NUP160: variants seen among roughly 807,000 people sequenced by gnomAD.
NUP160 encodes nucleoporin 160.
A neutral mutation model predicts 196.9 loss-of-function variants in NUP160; 94 were observed. The observed-to-expected ratio is 0.48, with a 90% confidence interval of 0.40 to 0.57. NUP160 has a LOEUF of 0.57. Among genes scored for constraint, NUP160 ranks in the 20% least tolerant of loss-of-function variants. The pLI is 0.00. For synonymous variants in NUP160, 605 were observed against 619.7 expected (o/e 0.98, Z 0.35); for missense variants, 1,638 against 1,748.3 (o/e 0.94, Z 1.13).
At chr11:47,824,008 C>CATATATATATATAT (rs58246222) in intron 7 of NUP160, among the ~76,000 whole-genome samples, 3 of 73,122 alleles carry the variant, frequency 4.1e-5, no homozygotes, top group South Asian at 4.8e-4. Context: ...AATTCTTTTG[C>CATATATATATATAT]ATATATATAT....
At chr11:47,815,424 A>T (rs766214454) in intron 13 of NUP160, 55 bp downstream of exon 13, 1 of 1,384,584 alleles carries the variant, frequency 7.2e-7, no homozygotes, top group Non-Finnish European at 9.5e-7. Context: ...GCATTTTGTT[A>T]TAACAGCCAC....
At chr11:47,779,103 A>G in exon 36 of NUP160, 1 of 1,611,276 alleles carries the variant, frequency 6.2e-7, no homozygotes, top group South Asian at 1.1e-5. Context: ...TGACAATCCA[A>G]ATCACAAGGT....
intron 6 of NUP160, 124 bp from the exon 7 acceptor site, chr11:47,835,933 T>TG: frequency 2.5e-6 from 2 of 787,230 alleles, no homozygotes; most frequent in Non-Finnish European, 3.8e-6. Flanking sequence ...CTAAAAGACC[T>TG]TACAGGTTTT....
At chr11:47,842,547 G>A (rs942299462) in intron 2 of NUP160, among the ~76,000 whole-genome samples, 1 of 152,054 alleles carries the variant, frequency 6.6e-6, no homozygotes, top group East Asian at 1.9e-4. Context: ...GGCATTCTAG[G>A]CCACTGTTCC....
At chr11:47,825,376 A>C (rs1055184494) in intron 7 of NUP160, among the ~76,000 whole-genome samples, 1 of 148,932 alleles carries the variant, frequency 6.7e-6, no homozygotes, top group African/African-American at 2.5e-5. Flanking sequence ...TCTGCCTCCC[A>C]GGTTCAAGCA....
intron 13 of NUP160, among the ~76,000 whole-genome samples, chr11:47,814,229 A>C (rs540918429): frequency 6.6e-6 from 1 of 152,138 alleles, no homozygotes; most frequent in African/African-American, 2.4e-5. Context: ...AGAAACGCTG[A>C]TAACAGTTTG....
At chr11:47,817,461 C>G (rs953663297) in intron 11 of NUP160, among the ~76,000 whole-genome samples, 3 of 151,866 alleles carry the variant, frequency 2.0e-5, no homozygotes, top group South Asian at 4.1e-4. Flanking sequence ...ATTCTTCTGC[C>G]TCAGCCTCCC....
chr11:47,815,754 T>C, intron 12 of NUP160, 105 bp from the exon 13 acceptor site: 1 of 1,049,584 alleles, frequency 9.5e-7, no homozygotes, highest in Non-Finnish European at 1.4e-6. Flanking sequence ...TACAGCCAAA[T>C]GAATATTCCT....
At chr11:47,788,536 A>G in exon 30 of NUP160, 1 of 1,614,078 alleles carries the variant, frequency 6.2e-7, no homozygotes, top group South Asian at 1.1e-5. Flanking sequence ...ATGCTGAGCC[A>G]AAGTGAGGCG....
At chr11:47,784,766 T>C (rs1259689971) in intron 33 of NUP160, 156 bp downstream of exon 33, 1 of 448,754 alleles carries the variant, frequency 2.2e-6, no homozygotes. Context: ...GGTCTCAAAC[T>C]CCTGGGCTCA....
chr11:47,785,207 C>A, intron 32 of NUP160, 144 bp from the exon 33 acceptor site: 1 of 379,730 alleles, frequency 2.6e-6, no homozygotes, highest in Non-Finnish European at 4.8e-6. Context: ...GTGGTGTGAT[C>A]TCAGCTCACT....
intron 27 of NUP160, among the ~76,000 whole-genome samples, chr11:47,795,097 CA>C (rs555602626): frequency 5.5e-5 from 8 of 144,770 alleles, no homozygotes; most frequent in African/African-American, 7.6e-5. Flanking sequence ...GAGACTGTCT[CA>C]AAAAAAAAAG....
intron 2 of NUP160, chr11:47,841,722 C>T: frequency 3.9e-6 from 1 of 254,748 alleles, no homozygotes; most frequent in Admixed American, 4.6e-5. Flanking sequence ...GACAGGGTCT[C>T]ACTCTGTCAG....
chr11:47,824,696 T>G (rs1851933346), intron 7 of NUP160, among the ~76,000 whole-genome samples: 1 of 152,118 alleles, frequency 6.6e-6, no homozygotes, highest in African/African-American at 2.4e-5. Context: ...TGCAGTGCAG[T>G]GACATGATCG....
chr11:47,831,894 C>CTTTTTTTTTTTTTTTT (rs554204043), intron 7 of NUP160, among the ~76,000 whole-genome samples: 21 of 69,990 alleles, frequency 3.0e-4, no homozygotes, highest in African/African-American at 1.3e-3. Context: ...TAATAAATTC[C>CTTTTTTTTTTTTTTTT]TTTTTTTTTT....
intron 13 of NUP160, among the ~76,000 whole-genome samples, chr11:47,814,061 A>G (rs1565198835): frequency 2.3e-5 from 2 of 88,530 alleles, no homozygotes; most frequent in Non-Finnish European, 4.1e-5. Context: ...ACAGAGCGAG[A>G]CTCTGTCTCA....
intron 2 of NUP160, among the ~76,000 whole-genome samples, chr11:47,843,390 C>G (rs1187818729): frequency 3.3e-5 from 5 of 152,194 alleles, no homozygotes; most frequent in African/African-American, 1.2e-4. Flanking sequence ...TTTTCACTCT[C>G]CTCCTCCTTG....
At chr11:47,808,909 G>A (rs1277788751) in intron 17 of NUP160, among the ~76,000 whole-genome samples, 2 of 151,814 alleles carry the variant, frequency 1.3e-5, no homozygotes, top group African/African-American at 4.8e-5. Context: ...AGACCAGACT[G>A]GACAACACAG....
chr11:47,798,188 G>T (rs889932230), exon 25 of NUP160: 1 of 1,611,644 alleles, frequency 6.2e-7, no homozygotes, highest in Non-Finnish European at 8.5e-7. Flanking sequence ...CAGGAATTTG[G>T]GTTAAGGCTT....
Sources: gnomAD v4.1 joint callset for allele counts (sites outside exome capture counted in the v4.1 genomes callset) on GRCh38, gnomAD v4.1.1 for gene constraint, MANE v1.5 for transcripts, NCBI Gene and HGNC (gene_info 2026-07-23, HGNC 2026-07-21) for gene names.